ZHX2: variants seen among roughly 807,000 people sequenced by gnomAD.
ZHX2 encodes zinc fingers and homeoboxes protein 2.
ZHX2 carries 6 observed loss-of-function variants against 21.9 expected under a neutral mutation model. The observed-to-expected ratio is 0.27, with a 90% CI of 0.15 to 0.54. The LOEUF is 0.54. ZHX2 is among the 20% of genes least tolerant of loss of function. The probability of loss-of-function intolerance (pLI) is 0.95; values close to 1 mark genes in which losing one functional copy is unlikely to be tolerated. For missense variants in ZHX2, 908 were observed against 1,090.7 expected (o/e 0.83, Z 2.36); for synonymous variants, 434 against 437.1 (o/e 0.99, Z 0.09).
intron 2 of ZHX2, among the ~76,000 whole-genome samples, chr8:122,894,572 C>T (rs1820052702): frequency 6.6e-6 from 1 of 152,170 alleles, no homozygotes; most frequent in Admixed American, 6.5e-5. Flanking sequence ...TGCATGTTCT[C>T]ACTCACAGGT....
chr8:122,969,167 AAAAG>A lies in ZHX2; in HGVS notation c.*5-4073_*5-4070del, dbSNP rs201183958. ...CAGAGCAAGACTCTGTCTCAAAAAAAAAAGAGAGAGAGAGAAATATTATGGAGCA... is the reference window on the plus strand; with the variant it reads ...CAGAGCAAGACTCTGTCTCAAAAAAAAGAGAGAGAGAAATATTATGGAGCA... On this transcript the variant is annotated intron_variant, in intron 3 of 3. Transcript: ENST00000314393. Among the ~76,000 whole-genome samples, 1,225 of 152,178 alleles carry A rather than the reference AAAAG, an allele frequency of 8.0e-3. 13 individuals carry two copies. Among genetic ancestry groups the A allele is most frequent in the African/African-American group, 0.028 (1,166 of 41,500 alleles).
At chr8:122,894,355 C>T (rs1026672003) in intron 2 of ZHX2, among the ~76,000 whole-genome samples, 1 of 152,214 alleles carries the variant, frequency 6.6e-6, no homozygotes, top group Non-Finnish European at 1.5e-5. Flanking sequence ...GATCCAGCTG[C>T]CCTGCCTGAC....
intron 1 of ZHX2, among the ~76,000 whole-genome samples, chr8:122,811,551 A>C (rs1197430671): frequency 6.6e-6 from 1 of 152,206 alleles, no homozygotes; most frequent in Non-Finnish European, 1.5e-5. Flanking sequence ...AGACACACTT[A>C]CCCAGGGCCA....
intron 1 of ZHX2, among the ~76,000 whole-genome samples, chr8:122,831,356 C>T (rs1275980173): frequency 6.6e-6 from 1 of 152,082 alleles, no homozygotes; most frequent in Admixed American, 6.5e-5. Flanking sequence ...TCAAACATGG[C>T]TGGAAAGGTG....
At chr8:122,939,955 G>A (rs1441927071) in intron 2 of ZHX2, among the ~76,000 whole-genome samples, 3 of 152,168 alleles carry the variant, frequency 2.0e-5, no homozygotes, top group Non-Finnish European at 2.9e-5. Flanking sequence ...AAGTTATCCT[G>A]TGATTAGTCC....
At position 122,828,280 on chromosome 8, in the gene ZHX2, T is replaced by C. The variant is rs570351065; in HGVS notation, c.-282-35197T>C. Among the ~76,000 whole-genome samples, 1 of 152,228 alleles carries C rather than the reference T, an allele frequency of 6.6e-6. No individual in the cohort carries two copies. Among genetic ancestry groups the C allele is most frequent in the Admixed American group, 6.5e-5 (1 of 15,294 alleles). On this transcript the variant is annotated intron_variant, in intron 1 of 3. Coordinates refer to ENST00000314393, the MANE Select transcript of ZHX2 (RefSeq NM_014943.5). This position sits in a 1 kb window ranked among gnomAD's most constrained non-coding sequence, Gnocchi z 5.2. Reference sequence around the variant, plus strand: ...GCTTAGGAGAGGAATGAAACAAAAATTCCTGTTTCTTCAGGAGCTGAAGAT... The same window carrying C: ...GCTTAGGAGAGGAATGAAACAAAAACTCCTGTTTCTTCAGGAGCTGAAGAT...
intron 3 of ZHX2, among the ~76,000 whole-genome samples, chr8:122,967,455 C>T (rs1389181079): frequency 2.0e-5 from 3 of 152,178 alleles, no homozygotes; most frequent in Admixed American, 6.6e-5. Context: ...TGCTGGGCTC[C>T]AGGCTGGTGC....
At chr8:122,878,478 CAG>C in intron 2 of ZHX2, among the ~76,000 whole-genome samples, 1 of 152,212 alleles carries the variant, frequency 6.6e-6, no homozygotes, top group South Asian at 2.1e-4. Context: ...ACTGGGATGA[CAG>C]GGGTGAGTTG....
chr8:122,868,035 A>C (rs1819339595), intron 2 of ZHX2, among the ~76,000 whole-genome samples: 1 of 152,148 alleles, frequency 6.6e-6, no homozygotes, highest in African/African-American at 2.4e-5. Context: ...GAATAGCTCC[A>C]AGGGTCCTGA....
chr8:122,877,359 A>G (rs1222900525), intron 2 of ZHX2, among the ~76,000 whole-genome samples: 1 of 152,204 alleles, frequency 6.6e-6, no homozygotes. Context: ...CATGCATACA[A>G]TTATAATAAT....
At chr8:122,922,133 A>G (rs567802213) in intron 2 of ZHX2, among the ~76,000 whole-genome samples, 2 of 152,196 alleles carry the variant, frequency 1.3e-5, no homozygotes, top group East Asian at 3.9e-4. Context: ...TGGGTGCTGA[A>G]GTTTTAGAAC....
intron 1 of ZHX2, among the ~76,000 whole-genome samples, chr8:122,826,416 A>G (rs1818267559): frequency 6.6e-6 from 1 of 152,196 alleles, no homozygotes; most frequent in African/African-American, 2.4e-5. Flanking sequence ...TGATTGTCAG[A>G]ACAGTACCTG....
At chr8:122,966,434 A>T (rs2130363224) in intron 3 of ZHX2, among the ~76,000 whole-genome samples, 1 of 152,304 alleles carries the variant, frequency 6.6e-6, no homozygotes, top group Middle Eastern at 3.4e-3. Flanking sequence ...CTGGATACAA[A>T]ATTCTTGACT....
chr8:122,851,832 C>T (rs1004387111), intron 1 of ZHX2, among the ~76,000 whole-genome samples: 4 of 152,152 alleles, frequency 2.6e-5, no homozygotes, highest in Non-Finnish European at 5.9e-5. Flanking sequence ...TGAACCAACT[C>T]GTCTTACTCC....
chr8:122,917,524 T>C (rs1239347952), intron 2 of ZHX2, among the ~76,000 whole-genome samples: 1 of 152,204 alleles, frequency 6.6e-6, no homozygotes, highest in Non-Finnish European at 1.5e-5. Context: ...GTGATTTTTA[T>C]TGAGACAACC....
intron 1 of ZHX2, among the ~76,000 whole-genome samples, chr8:122,858,638 CTTTTTTTTTTT>C (rs34399149): frequency 1.2e-5 from 1 of 82,736 alleles, no homozygotes; most frequent in Admixed American, 1.2e-4. Flanking sequence ...TTCTTTCTTT[CTTTTTTTTTTT>C]TTTTTTTTTG....
chr8:122,925,120 C>T (rs1294650318), intron 2 of ZHX2, among the ~76,000 whole-genome samples: 12 of 152,190 alleles, frequency 7.9e-5, no homozygotes, highest in Non-Finnish European at 1.5e-4. Context: ...GACTTCTCAG[C>T]ATTTGAGATT....
intron 1 of ZHX2, among the ~76,000 whole-genome samples, chr8:122,843,920 TGA>T (rs202136746): frequency 0.032 from 4,856 of 151,860 alleles, 128 homozygotes; most frequent in Non-Finnish European, 0.047. Flanking sequence ...CAGGTGGCTG[TGA>T]GAGCTTTTTC....
At chr8:122,796,261 G>T (rs959664985) in intron 1 of ZHX2, among the ~76,000 whole-genome samples, 2 of 151,840 alleles carry the variant, frequency 1.3e-5, no homozygotes, top group Non-Finnish European at 2.9e-5. Context: ...TTTTGCTTAT[G>T]AGAGACCACA....
Sources: gnomAD v4.1 joint callset for allele counts (sites outside exome capture counted in the v4.1 genomes callset) on GRCh38, gnomAD v4.1.1 for gene constraint, Gnocchi (gnomAD v3.1) non-coding constraint, MANE v1.5 for transcripts, NCBI Gene and HGNC (gene_info 2026-07-23, HGNC 2026-07-21) for gene names.